The following LRRC4C variants were observed in gnomAD, a reference collection of about 807,000 sequenced individuals.
The protein encoded by LRRC4C is leucine-rich repeat-containing protein 4C.
Under a neutral mutation model 33.6 loss-of-function variants are expected in LRRC4C, and 5 were observed. That is an observed-to-expected ratio of 0.15 (90% confidence interval 0.08 to 0.31). The LOEUF (loss-of-function observed/expected upper bound fraction) is 0.31. Among genes scored for constraint, LRRC4C ranks in the 10% least tolerant of loss-of-function variants. The pLI, the probability that LRRC4C is intolerant of heterozygous loss-of-function variation, is 1.00. For synonymous variants in LRRC4C, 329 were observed against 302.0 expected (o/e 1.09, Z -0.93); for missense variants, 560 against 796.7 (o/e 0.70, Z 3.58).
At chr11:41,264,939 C>T (rs1401222724) in intron 1 of LRRC4C, among the ~76,000 whole-genome samples, 1 of 152,064 alleles carries the variant, frequency 6.6e-6, no homozygotes, top group Admixed American at 6.6e-5. Context: ...CAGAACAGGG[C>T]CTAGAATGCA....
chr11:41,248,742 T>C (rs1948534657), intron 1 of LRRC4C, among the ~76,000 whole-genome samples: 1 of 152,186 alleles, frequency 6.6e-6, no homozygotes, highest in Non-Finnish European at 1.5e-5. Context: ...TTCTCTAAAC[T>C]ACAACTTTTA....
intron 1 of LRRC4C, among the ~76,000 whole-genome samples, chr11:41,449,066 C>T (rs1955932156): frequency 6.6e-6 from 1 of 152,298 alleles, no homozygotes; most frequent in Non-Finnish European, 1.5e-5. Context: ...CTATTCTTCA[C>T]TTCTAGCAAG....
rs114376240 is a variant in LRRC4C at position 41,004,004 on chromosome 11, C to A, written c.-495-70281G>T. 7.5e-3 allele frequency among the ~76,000 whole-genome samples: 1,141 copies of A among 151,356 alleles called. 13 individuals are homozygous for A. The highest frequency in any genetic ancestry group is 0.027 in the African/African-American group (1,095 of 41,234). On this transcript the variant is annotated intron_variant, in intron 1 of 6. Coordinates refer to ENST00000528697, the MANE Select transcript of LRRC4C (RefSeq NM_001258419.2). ...AGAAAATGGGGACAAGTGTCAAGGA[C>A]AAAGAGAAGACAAAACGGCCCAGTG...
rs1048791373 is a variant in LRRC4C at position 41,429,030 on chromosome 11, C to T, written c.-496+30401G>A. Among the ~76,000 whole-genome samples the T allele has an allele frequency of 3.3e-5, 5 of 152,070 alleles. No homozygotes were observed. In the South Asian group the frequency reaches 6.2e-4, roughly 19 times the overall value. ...AAATCTCATCTTGAATTGTAGTTCCCGTAATCCCCACATATCATGGGAGGG... is the reference window on the plus strand; with the variant it reads ...AAATCTCATCTTGAATTGTAGTTCCTGTAATCCCCACATATCATGGGAGGG... On this transcript the variant is annotated intron_variant, in intron 1 of 6. Coordinates refer to ENST00000528697, the MANE Select transcript of LRRC4C (RefSeq NM_001258419.2).
intron 1 of LRRC4C, among the ~76,000 whole-genome samples, chr11:41,136,717 T>C (rs1943278693): frequency 1.3e-5 from 2 of 152,114 alleles, no homozygotes; most frequent in South Asian, 4.1e-4. Flanking sequence ...GAGTTGCCTT[T>C]CTGATTTCTG....
chr11:41,029,729 A>C (rs931482265), intron 1 of LRRC4C, among the ~76,000 whole-genome samples: 7 of 151,972 alleles, frequency 4.6e-5, no homozygotes, highest in Admixed American at 4.6e-4. Context: ...TGATCTCTGC[A>C]TGTAAGAGAT....
chr11:40,438,721 T>C (rs748524563), intron 3 of LRRC4C, among the ~76,000 whole-genome samples: 1 of 152,160 alleles, frequency 6.6e-6, no homozygotes. Context: ...TCTTGCCTGA[T>C]TGGGGGATAT....
intron 2 of LRRC4C, among the ~76,000 whole-genome samples, chr11:40,879,091 T>C (rs191390985): frequency 2.0e-5 from 3 of 152,310 alleles, no homozygotes; most frequent in Admixed American, 2.0e-4. Context: ...AGTGTTCTTG[T>C]ACAGTGCCTT....
intron 3 of LRRC4C, among the ~76,000 whole-genome samples, chr11:40,323,403 G>A (rs1945947066): frequency 6.6e-6 from 1 of 152,156 alleles, no homozygotes; most frequent in Non-Finnish European, 1.5e-5. Flanking sequence ...CGCTTTGGAT[G>A]TTTAGGACGA....
At chr11:41,246,823 G>A (rs562338115) in intron 1 of LRRC4C, among the ~76,000 whole-genome samples, 1 of 152,228 alleles carries the variant, frequency 6.6e-6, no homozygotes, top group South Asian at 2.1e-4. Context: ...TAAGCTTTAG[G>A]GTTGCCACCT....
At chr11:41,270,035 C>T (rs1235077592) in intron 1 of LRRC4C, among the ~76,000 whole-genome samples, 1 of 152,088 alleles carries the variant, frequency 6.6e-6, no homozygotes, top group South Asian at 2.1e-4. Context: ...CTCTGAGCCT[C>T]AGCTGTTTCT....
chr11:40,481,344 A>G (rs1475935008), intron 3 of LRRC4C, among the ~76,000 whole-genome samples: 1 of 152,112 alleles, frequency 6.6e-6, no homozygotes, highest in African/African-American at 2.4e-5. Context: ...TGTCATTAAT[A>G]TTTTATATTC....
chr11:41,083,308 G>A (rs1171348955), intron 1 of LRRC4C, among the ~76,000 whole-genome samples: 1 of 152,004 alleles, frequency 6.6e-6, no homozygotes, highest in Non-Finnish European at 1.5e-5. Flanking sequence ...CCATATGCGA[G>A]TTACCCATAC....
chr11:41,123,969 A>G (rs757588416), intron 1 of LRRC4C, among the ~76,000 whole-genome samples: 7 of 152,168 alleles, frequency 4.6e-5, no homozygotes, highest in Non-Finnish European at 5.9e-5. Flanking sequence ...CCACAGCATG[A>G]CTTTTCTCTC....
chr11:40,465,280 C>T (rs1405451568), intron 3 of LRRC4C, among the ~76,000 whole-genome samples: 1 of 151,958 alleles, frequency 6.6e-6, no homozygotes, highest in Non-Finnish European at 1.5e-5. Context: ...AAACCGGTCA[C>T]ATGTCTCTCA....
intron 3 of LRRC4C, among the ~76,000 whole-genome samples, chr11:40,483,451 C>G (rs1478505170): frequency 6.6e-6 from 1 of 151,886 alleles, no homozygotes; most frequent in Non-Finnish European, 1.5e-5. Context: ...TAATGTGAGC[C>G]GTGGTTTAAA....
At chr11:41,251,328 G>A (rs558486824) in intron 1 of LRRC4C, among the ~76,000 whole-genome samples, 7 of 152,248 alleles carry the variant, frequency 4.6e-5, no homozygotes, top group East Asian at 1.9e-4. Context: ...CTAATTCTTC[G>A]CTGTAGAGCT....
At chr11:40,964,477 G>A (rs959763167) in intron 1 of LRRC4C, among the ~76,000 whole-genome samples, 12 of 150,990 alleles carry the variant, frequency 7.9e-5, no homozygotes, top group South Asian at 2.1e-4. Flanking sequence ...CCATTAACTC[G>A]TCATTTAGCA....
At chr11:41,014,007 A>G (rs1350482164) in intron 1 of LRRC4C, among the ~76,000 whole-genome samples, 3 of 152,146 alleles carry the variant, frequency 2.0e-5, no homozygotes, top group South Asian at 4.1e-4. Flanking sequence ...GCCTTTCACC[A>G]GGCCCCACCT....
Sources: allele counts gnomAD v4.1 joint callset (sites outside exome capture counted in the v4.1 genomes callset), GRCh38; gene constraint gnomAD v4.1.1; transcripts MANE v1.5; gene names NCBI Gene and HGNC (gene_info 2026-07-23, HGNC 2026-07-21).